NUP155: variants seen among roughly 807,000 people sequenced by gnomAD.
NUP155 encodes the protein nucleoporin 155.
A neutral mutation model predicts 180.4 loss-of-function variants in NUP155; 71 were observed. The observed-to-expected ratio is 0.39, with a 90% CI of 0.33 to 0.48. NUP155 has a LOEUF of 0.48. Among genes scored for constraint, NUP155 ranks in the 20% least tolerant of loss-of-function variants. NUP155 has a pLI of 0.91. For missense variants in NUP155, 1,553 were observed against 1,648.9 expected (o/e 0.94, Z 1.01); for synonymous variants, 582 against 559.5 (o/e 1.04, Z -0.57).
rs1296101882 is a variant in NUP155 at position 37,342,656 on chromosome 5, A to G, written c.996-10T>C. 6.5e-7 allele frequency: 1 copy of G among 1,529,410 alleles called. No homozygotes were observed. Among genetic ancestry groups the G allele is most frequent in the African/African-American group, 1.4e-5 (1 of 73,254 alleles). The allele number at this position is 1,529,410 out of a possible 1,614,324, so 94.7% of individuals were successfully genotyped here. The stretch of plus-strand genomic sequence containing the variant: ...AGAACGATCGATGGTCCTAAAAGAA[A>G]GGAGAAAATAAAGTGTATTTTTAAA... On this transcript the variant is annotated splice_polypyrimidine_tract_variant and intron_variant, in intron 9 of 34. Coordinates refer to ENST00000231498, the MANE Select transcript of NUP155 (RefSeq NM_153485.3).
chr5:37,362,793 A>T (rs1313715399), intron 3 of NUP155, among the ~76,000 whole-genome samples: 1 of 152,240 alleles, frequency 6.6e-6, no homozygotes, highest in Admixed American at 6.5e-5. Context: ...CTGCTATTAC[A>T]ACTATTACAT....
intron 9 of NUP155, among the ~76,000 whole-genome samples, chr5:37,346,423 G>A (rs1027170418): frequency 6.6e-6 from 1 of 152,166 alleles, no homozygotes; most frequent in Non-Finnish European, 1.5e-5. Context: ...TGTAATCCCA[G>A]CACTTCGGGA....
intron 32 of NUP155, among the ~76,000 whole-genome samples, chr5:37,297,211 G>A (rs76792525): frequency 0.16 from 24,278 of 151,924 alleles, 1,987 homozygotes; most frequent in South Asian, 0.2. Flanking sequence ...TTGTAGAGAC[G>A]GGGCTTGCTA....
intron 30 of NUP155, chr5:37,301,182 C>A: frequency 2.6e-6 from 1 of 391,600 alleles, no homozygotes. Context: ...TGGAAATAAG[C>A]TGGTTTTAAC....
At chr5:37,296,041 CGGGA>C (rs1384777741) in intron 32 of NUP155, among the ~76,000 whole-genome samples, 4 of 144,610 alleles carry the variant, frequency 2.8e-5, no homozygotes, top group African/African-American at 7.7e-5. Context: ...CCGCCCTGTC[CGGGA>C]GGGAGGTGGG....
chr5:37,328,488 T>G (rs1379500057), intron 16 of NUP155, 68 bp from the exon 17 acceptor site: 1 of 1,193,432 alleles, frequency 8.4e-7, no homozygotes, highest in East Asian at 2.4e-5. Flanking sequence ...GTGATCAAAA[T>G]TAGGTAAAGA....
rs999627856 is a variant in NUP155 at position 37,310,428 on chromosome 5, T to A, written c.2628+124A>T. 1.3e-5 allele frequency: 9 copies of A among 682,904 alleles called. No individual in the cohort carries two copies. In the African/African-American group the frequency reaches 1.6e-4, roughly 12 times the overall value. The allele number at this position is 682,904 out of a possible 1,614,324, so 42.3% of individuals were successfully genotyped here. On this transcript the variant is annotated intron_variant, in intron 23 of 34. Transcript: ENST00000231498. ...TTCCAACCCCTTTCTTAGATGAGGA[T>A]TCTGAGGCTAGGAGAGGTTAAGAGA...
At chr5:37,332,382 C>A (rs981837123) in intron 13 of NUP155, among the ~76,000 whole-genome samples, 1 of 132,872 alleles carries the variant, frequency 7.5e-6, no homozygotes, top group Non-Finnish European at 1.5e-5. Context: ...AGTGCAGTGG[C>A]GCAATCTCGG....
chr5:37,323,951 G>A (rs552733804), intron 20 of NUP155, 41 bp downstream of exon 20: 17 of 1,370,394 alleles, frequency 1.2e-5, no homozygotes, highest in South Asian at 4.7e-5. Flanking sequence ...AAAATACAAC[G>A]AAAAGAAAAA....
intron 10 of NUP155, among the ~76,000 whole-genome samples, chr5:37,341,509 G>A (rs1395191204): frequency 6.6e-6 from 1 of 151,940 alleles, no homozygotes; most frequent in Non-Finnish European, 1.5e-5. Context: ...CTACAGGCAT[G>A]TGCCACCACA....
intron 32 of NUP155, among the ~76,000 whole-genome samples, chr5:37,296,022 C>A (rs1237149826): frequency 7.1e-6 from 1 of 141,760 alleles, no homozygotes; most frequent in African/African-American, 2.7e-5. Flanking sequence ...CAGCCCCCCG[C>A]CCGGCCAGCC....
intron 1 of NUP155, among the ~76,000 whole-genome samples, chr5:37,367,014 G>A (rs1359123694): frequency 6.6e-6 from 1 of 151,758 alleles, no homozygotes; most frequent in Non-Finnish European, 1.5e-5. Context: ...GATTACAGAT[G>A]TGAGCCACTG....
intron 21 of NUP155, among the ~76,000 whole-genome samples, chr5:37,314,831 T>G (rs1171998647): frequency 6.6e-6 from 1 of 151,508 alleles, no homozygotes; most frequent in African/African-American, 2.4e-5. Flanking sequence ...GACAAAAAAT[T>G]TAAAAGATAG....
intron 10 of NUP155, among the ~76,000 whole-genome samples, chr5:37,341,784 C>T (rs552815118): frequency 6.6e-6 from 1 of 152,274 alleles, no homozygotes; most frequent in Admixed American, 6.5e-5. Flanking sequence ...TCAGGATCCA[C>T]CCGCCTTGGC....
chr5:37,337,388 AAAC>A lies in NUP155; in HGVS notation c.1347+427_1347+429del, dbSNP rs1264971264. Among the ~76,000 whole-genome samples the A allele has an allele frequency of 2.0e-5, 3 of 152,200 alleles. No individual in the cohort carries two copies. In the East Asian group the frequency reaches 5.8e-4, roughly 29 times the overall value. ...TTGAAAGTTTCCATAATTAAAAAAAAAACAGACAAAATTACAAAGAGATTGTTA... is the reference window on the plus strand; with the variant it reads ...TTGAAAGTTTCCATAATTAAAAAAAAAGACAAAATTACAAAGAGATTGTTA... On this transcript the variant is annotated intron_variant, in intron 12 of 34. Transcript: ENST00000231498.
intron 3 of NUP155, among the ~76,000 whole-genome samples, chr5:37,362,853 G>C (rs1465734989): frequency 1.3e-5 from 2 of 152,088 alleles, no homozygotes; most frequent in African/African-American, 2.4e-5. Flanking sequence ...AAATGGTTTC[G>C]TTTAAGCTAT....
At chr5:37,311,868 A>C (rs1743550691) in intron 22 of NUP155, among the ~76,000 whole-genome samples, 1 of 152,084 alleles carries the variant, frequency 6.6e-6, no homozygotes, top group Admixed American at 6.6e-5. Flanking sequence ...TAAAACTACA[A>C]AAATCAGCCA....
chr5:37,340,669 C>T (rs758631854), intron 11 of NUP155, among the ~76,000 whole-genome samples: 1 of 152,158 alleles, frequency 6.6e-6, no homozygotes, highest in Non-Finnish European at 1.5e-5. Context: ...AAATGGTGCT[C>T]AGACAGCTAG....
At chr5:37,323,577 CTA>C (rs1744387059) in intron 20 of NUP155, among the ~76,000 whole-genome samples, 1 of 150,390 alleles carries the variant, frequency 6.6e-6, no homozygotes, top group Admixed American at 6.7e-5. Flanking sequence ...ATTTATATAA[CTA>C]TATTTCTATA....
Sources: allele counts gnomAD v4.1 joint callset (sites outside exome capture counted in the v4.1 genomes callset), GRCh38; gene constraint gnomAD v4.1.1; transcripts MANE v1.5; gene names NCBI Gene and HGNC (gene_info 2026-07-23, HGNC 2026-07-21).